Variants in ANKRD55 observed in about 807,000 individuals in gnomAD.
ANKRD55 encodes the protein ankyrin repeat domain 55, also known as ankyrin repeat domain-containing protein 55.
Under a neutral mutation model 60.6 loss-of-function variants are expected in ANKRD55, and 41 were observed. That is an observed-to-expected ratio of 0.68 (90% CI 0.53 to 0.88). The LOEUF is 0.88. ANKRD55 is among the 40% of genes least tolerant of loss of function. The pLI, the probability that ANKRD55 is intolerant of heterozygous loss-of-function variation, is 0.00. For synonymous variants in ANKRD55, 264 were observed against 290.3 expected (o/e 0.91, Z 0.92); for missense variants, 732 against 767.6 (o/e 0.95, Z 0.55).
chr5:56,165,273 G>A (rs1758419438), intron 5 of ANKRD55, among the ~76,000 whole-genome samples: 1 of 152,166 alleles, frequency 6.6e-6, no homozygotes, highest in Admixed American at 6.5e-5. Flanking sequence ...AACAACCATT[G>A]CAGTAAACCT....
At chr5:56,113,266 C>T (rs1756789075) in intron 9 of ANKRD55, among the ~76,000 whole-genome samples, 1 of 152,058 alleles carries the variant, frequency 6.6e-6, no homozygotes, top group African/African-American at 2.4e-5. Flanking sequence ...ACTGTGCTGC[C>T]TTGCATCGAT....
In ANKRD55 at chr5:56,170,766, C is replaced by T; in HGVS notation, c.350G>A (p.Gly117Asp). 1 of 1,614,108 alleles carries T rather than the reference C, an allele frequency of 6.2e-7. No homozygotes were observed. The highest frequency in any genetic ancestry group is 8.5e-7 in the Non-Finnish European group (1 of 1,180,034). The change falls in exon 5 of 12, where the codon GGT becomes GAT. Residue 117 changes from glycine (G) to aspartate (D), a missense_variant. Transcript: ENST00000341048. ...LEGCVSLLRN[G>D]AKHNIPDKNG... Reference sequence around the variant, plus strand: ...TTTATCTGGGATATTGTGCTTGGCACCGTTTCTGAGTAGACTCACACAGCC... The same window carrying T: ...TTTATCTGGGATATTGTGCTTGGCATCGTTTCTGAGTAGACTCACACAGCC...
At chr5:56,206,053 G>A (rs1311098499) in intron 2 of ANKRD55, among the ~76,000 whole-genome samples, 4 of 147,474 alleles carry the variant, frequency 2.7e-5, no homozygotes, top group Non-Finnish European at 3.0e-5. Context: ...ACAGTTCACC[G>A]CAGCCTCAAC....
intron 2 of ANKRD55, among the ~76,000 whole-genome samples, chr5:56,212,920 G>A (rs1045401597): frequency 6.6e-6 from 1 of 151,952 alleles, no homozygotes; most frequent in South Asian, 2.1e-4. Context: ...TAACATAAGG[G>A]GGAAAATAAT....
At chr5:56,210,772 G>T (rs1347824842) in intron 2 of ANKRD55, among the ~76,000 whole-genome samples, 1 of 152,090 alleles carries the variant, frequency 6.6e-6, no homozygotes, top group African/African-American at 2.4e-5. Flanking sequence ...TTTATGATTA[G>T]AAATAACTTT....
chr5:56,180,929 T>C (rs1311184146), intron 3 of ANKRD55, among the ~76,000 whole-genome samples: 1 of 152,230 alleles, frequency 6.6e-6, no homozygotes, highest in Non-Finnish European at 1.5e-5. Flanking sequence ...GCCGGGCCAG[T>C]GGCTCACACC....
At chr5:56,223,722 C>T (rs1171384350) in intron 2 of ANKRD55, among the ~76,000 whole-genome samples, 1 of 152,034 alleles carries the variant, frequency 6.6e-6, no homozygotes, top group African/African-American at 2.4e-5. Context: ...TTTAAACCAA[C>T]AAAGATCAGA....
chr5:56,151,287 G>T (rs1366228113), intron 6 of ANKRD55, among the ~76,000 whole-genome samples: 1 of 152,042 alleles, frequency 6.6e-6, no homozygotes, highest in Non-Finnish European at 1.5e-5. Flanking sequence ...ATTCTAATTG[G>T]TATAAAATTT....
intron 2 of ANKRD55, chr5:56,192,570 ATT>A: frequency 2.3e-6 from 1 of 434,880 alleles, no homozygotes; most frequent in Non-Finnish European, 4.3e-6. Flanking sequence ...TCCTGGCTGA[ATT>A]TTTTAACCTT....
chr5:56,193,346 C>A, intron 2 of ANKRD55: 1 of 850,992 alleles, frequency 1.2e-6, no homozygotes, highest in Non-Finnish European at 1.9e-6. Flanking sequence ...AGAAACTTTT[C>A]ATCCCTTTGT....
chr5:56,110,114 A>G (rs1458704667), intron 10 of ANKRD55, among the ~76,000 whole-genome samples: 1 of 151,270 alleles, frequency 6.6e-6, no homozygotes, highest in Non-Finnish European at 1.5e-5. Context: ...ATAAATTCTT[A>G]GGCTTGGTGT....
At chr5:56,105,050 T>C (rs1235223920) in intron 10 of ANKRD55, among the ~76,000 whole-genome samples, 1 of 151,960 alleles carries the variant, frequency 6.6e-6, no homozygotes, top group Non-Finnish European at 1.5e-5. Context: ...GAAAGTGAAG[T>C]GTGTAGGTGT....
intron 2 of ANKRD55, among the ~76,000 whole-genome samples, chr5:56,201,000 G>A (rs114492832): frequency 6.6e-6 from 1 of 152,270 alleles, no homozygotes; most frequent in African/African-American, 2.4e-5. Context: ...TAAAATTGTA[G>A]TTACAAAGGC....
intron 9 of ANKRD55, among the ~76,000 whole-genome samples, chr5:56,114,570 T>C (rs1203686933): frequency 6.6e-6 from 1 of 152,254 alleles, no homozygotes; most frequent in Non-Finnish European, 1.5e-5. Context: ...AAATGTGTCA[T>C]CTGGAAGATC....
chr5:56,143,597 G>A (rs1411641847), intron 7 of ANKRD55, among the ~76,000 whole-genome samples: 2 of 152,184 alleles, frequency 1.3e-5, no homozygotes, highest in Non-Finnish European at 2.9e-5. Flanking sequence ...GTATGTGTGT[G>A]TCTGTGTGTG....
intron 2 of ANKRD55, among the ~76,000 whole-genome samples, chr5:56,231,421 C>T (rs149572): frequency 2.0e-5 from 3 of 152,126 alleles, no homozygotes; most frequent in East Asian, 3.9e-4. Flanking sequence ...GTCCCAGCTC[C>T]CTCCAATTAG....
chr5:56,189,615 T>C (rs984775019), intron 2 of ANKRD55, among the ~76,000 whole-genome samples: 3 of 152,236 alleles, frequency 2.0e-5, no homozygotes, highest in Non-Finnish European at 4.4e-5. Context: ...CTTAGCATAA[T>C]GTCCTCAAGG....
At chr5:56,163,152 C>T (rs1758373878) in intron 5 of ANKRD55, among the ~76,000 whole-genome samples, 2 of 152,258 alleles carry the variant, frequency 1.3e-5, no homozygotes, top group Non-Finnish European at 2.9e-5. Flanking sequence ...CAGATCAAGG[C>T]CCTCTCCTGC....
chr5:56,216,049 A>G (rs1554043967), intron 2 of ANKRD55, among the ~76,000 whole-genome samples: 1 of 133,338 alleles, frequency 7.5e-6, no homozygotes, highest in Non-Finnish European at 1.5e-5. Context: ...AACACTTTCT[A>G]TGCTGTATTC....
Sources: allele counts gnomAD v4.1 joint callset (sites outside exome capture counted in the v4.1 genomes callset), GRCh38; gene constraint gnomAD v4.1.1; transcripts MANE v1.5; gene names NCBI Gene and HGNC (gene_info 2026-07-23, HGNC 2026-07-21).